The following CTH variants were observed in gnomAD, a reference collection of about 807,000 sequenced individuals.
The protein encoded by CTH is cystathionine gamma-lyase, also known as cystathionase (cystathionine gamma-lyase).
In CTH, 41 loss-of-function variants were observed where a neutral mutation model predicts 50.6. That is an observed-to-expected ratio of 0.81 (90% CI 0.63 to 1.05). The LOEUF (loss-of-function observed/expected upper bound fraction) is 1.05. CTH is among the 50% of genes least tolerant of loss of function. CTH has a pLI of 0.00. For synonymous variants in CTH, 156 were observed against 168.9 expected, an observed-to-expected ratio of 0.92 and a Z score of 0.59; for missense variants, 470 against 492.6, an observed-to-expected ratio of 0.95 and a Z score of 0.43.
chr1:70,421,779 T>A, intron 4 of CTH, 104 bp downstream of exon 4: 2 of 1,183,380 alleles, frequency 1.7e-6, no homozygotes, highest in Admixed American at 1.9e-5. Flanking sequence ...ACAAATTTTA[T>A]TTTATGCCAT....
At chr1:70,422,634 C>T (rs1476960495) in intron 4 of CTH, among the ~76,000 whole-genome samples, 2 of 122,906 alleles carry the variant, frequency 1.6e-5, no homozygotes, top group African/African-American at 6.3e-5. Flanking sequence ...TTTTTTGAGA[C>T]GGAGTCTCAC....
At position 70,425,528 on chromosome 1, in the gene CTH, A is replaced by G. The variant is rs527638936; in HGVS notation, c.588+1112A>G. ...TGTATTAGTCCATTCTCACACTGCT[A>G]TAAAGAAATAATCCGAGACTGCGTA... On this transcript the variant is annotated intron_variant, in intron 5 of 11. Transcript: ENST00000370938. 2.6e-5 allele frequency among the ~76,000 whole-genome samples: 4 copies of G among 152,326 alleles called. No individual in the cohort carries two copies. In the East Asian group the frequency reaches 7.7e-4, roughly 29 times the overall value.
At chr1:70,416,879 G>A (rs1253994849) in intron 2 of CTH, among the ~76,000 whole-genome samples, 1 of 151,374 alleles carries the variant, frequency 6.6e-6, no homozygotes, top group Non-Finnish European at 1.5e-5. Flanking sequence ...TGTATTTTTA[G>A]TAGAGATGGG....
In CTH at chr1:70,411,492, G is replaced by A. The variant is rs769431823; in HGVS notation, c.77G>A (p.Gly26Asp). ...QHFATQAIHV[G>D]QDPEQWTSRA... ...TTCGCCACGCAGGCGATCCATGTGGGCCAGGATCCAGAGCAATGGACCTCC... is the reference window on the plus strand; with the variant it reads ...TTCGCCACGCAGGCGATCCATGTGGACCAGGATCCAGAGCAATGGACCTCC... Residue 26 changes from glycine to aspartate, a missense_variant, in exon 1 of 12, where the codon GGC becomes GAC. By Grantham distance (94) the Gly-to-Asp change is moderately conservative. Transcript: ENST00000370938. 5.6e-6 allele frequency: 9 copies of A among 1,614,048 alleles called. No homozygotes were observed. The African/African-American group carries it at 1.1e-4, about 19-fold the overall frequency.
chr1:70,412,148 T>C (rs1411727178), intron 1 of CTH, among the ~76,000 whole-genome samples: 1 of 152,238 alleles, frequency 6.6e-6, no homozygotes, highest in East Asian at 1.9e-4. Flanking sequence ...GTTAAGTAAC[T>C]AGCCTTAGAC....
chr1:70,430,380 G>A lies in CTH; in HGVS notation c.710G>A (p.Arg237His), dbSNP rs147044875. Residue 237 changes from arginine to histidine, a missense_variant, in exon 7 of 12, where the codon CGT becomes CAT. Coordinates refer to ENST00000370938, the MANE Select transcript of CTH (RefSeq NM_001902.6). ...VNCESLHNRL[R>H]FLQNSLGAVP... ...TGTGAAAGCCTTCATAATAGACTTC[G>A]TTTCTTGCAAAACTGTAAGTATTAA... 35 of 1,570,706 alleles carry A rather than the reference G, an allele frequency of 2.2e-5. No homozygotes were observed. The highest frequency in any genetic ancestry group is 1.4e-5 in the Non-Finnish European group (16 of 1,140,844).
At chr1:70,430,093 C>A (rs771072054) in intron 6 of CTH, among the ~76,000 whole-genome samples, 2 of 152,080 alleles carry the variant, frequency 1.3e-5, no homozygotes, top group African/African-American at 4.8e-5. Context: ...CTTGCTGACA[C>A]CTTAAAGAAA....
At chr1:70,434,052 G>T in intron 9 of CTH, 103 bp downstream of exon 9, 3 of 1,557,664 alleles carry the variant, frequency 1.9e-6, no homozygotes, top group Non-Finnish European at 2.6e-6. Flanking sequence ...GTATCTGCAG[G>T]TTACACTCAT....
At chr1:70,426,482 G>A (rs1490968101) in intron 5 of CTH, among the ~76,000 whole-genome samples, 1 of 152,126 alleles carries the variant, frequency 6.6e-6, no homozygotes, top group Non-Finnish European at 1.5e-5. Flanking sequence ...GTTGATCCAG[G>A]TTGCTGCCTC....
chr1:70,413,739 CTTTTTTT>C (rs765540452), intron 1 of CTH, among the ~76,000 whole-genome samples: 2 of 118,210 alleles, frequency 1.7e-5, no homozygotes, highest in East Asian at 2.7e-4. Context: ...TGCTTAATAT[CTTTTTTT>C]TTTTTTTTTT....
chr1:70,416,101 C>G, intron 2 of CTH, 64 bp downstream of exon 2: 1 of 973,986 alleles, frequency 1.0e-6, no homozygotes, highest in Non-Finnish European at 1.7e-6. Context: ...ACCATAGAGG[C>G]ACAGAATGTG....
At position 70,435,121 on chromosome 1, in the gene CTH, A is replaced by G. The variant is rs1280100633; in HGVS notation, c.1000-4A>G. The G allele has an allele frequency of 6.2e-7, 1 of 1,610,652 alleles. No homozygotes were observed. The highest frequency in any genetic ancestry group is 8.5e-7 in the Non-Finnish European group (1 of 1,178,064). On this transcript the variant is annotated splice_polypyrimidine_tract_variant and splice_region_variant and intron_variant, in intron 9 of 11. Coordinates refer to ENST00000370938, the MANE Select transcript of CTH (RefSeq NM_001902.6). The stretch of plus-strand genomic sequence containing the variant: ...AATCTAAATTCATGTTTTCTTTGCT[A>G]TAGCTATTTACTCTGGCCGAGAGCT...
Position 70,420,942 on chromosome 1 carries a change from G to A in CTH, c.347-624G>A, listed in dbSNP as rs566567789. 2.6e-5 allele frequency among the ~76,000 whole-genome samples: 4 copies of A among 152,032 alleles called. 1 individual carries two copies. The highest frequency in any genetic ancestry group is 7.2e-5 in the African/African-American group (3 of 41,480). On this transcript the variant is annotated intron_variant, in intron 3 of 11. Coordinates refer to ENST00000370938, the MANE Select transcript of CTH (RefSeq NM_001902.6). ...AATGACAGAATATTCTTTTGTTGTT[G>A]TTGTTGTTATTGAGTATCAATATCA...
chr1:70,415,985 C>A lies in CTH; in HGVS notation c.198C>A (p.Pro66=). ...TTGAATATAGCCGTTCTGGAAATCCCACTAGGAATTGCCTTGAAAAAGCAG... is the reference window on the plus strand; with the variant it reads ...TTGAATATAGCCGTTCTGGAAATCCAACTAGGAATTGCCTTGAAAAAGCAG... ...SGFEYSRSGN[P]TRNCLEKAVA... The change falls in exon 2 of 12, where the codon CCC becomes CCA. Residue 66 remains proline (P), a synonymous_variant. Coordinates refer to ENST00000370938, the MANE Select transcript of CTH (RefSeq NM_001902.6). 1 of 1,610,932 alleles carries A rather than the reference C, an allele frequency of 6.2e-7. No individual in the cohort carries two copies. Among genetic ancestry groups the A allele is most frequent in the Non-Finnish European group, 8.5e-7 (1 of 1,177,136 alleles).
At chr1:70,431,279 A>G (rs914150938) in intron 7 of CTH, 6 of 152,206 alleles carry the variant, frequency 3.9e-5, no homozygotes, top group Non-Finnish European at 8.8e-5. Flanking sequence ...TATAATCATA[A>G]TTTGATAAAG....
rs761095023 is a variant in CTH at position 70,429,845 on chromosome 1, A to T, written c.640A>T (p.Met214Leu). 4 of 1,610,850 alleles carry T rather than the reference A, an allele frequency of 2.5e-6. No individual in the cohort carries two copies. The South Asian group carries it at 3.3e-5, about 13-fold the overall frequency. ...DISMYSATKY[M>L]NGHSDVVMGL... ...TTCTATGTATTCTGCAACAAAATAC[A>T]TGAATGGTAAGATGCATACTTTGAA... is the stretch of plus-strand genomic sequence containing the variant. Residue 214 changes from methionine (M) to leucine (L), a missense_variant, in exon 6 of 12, where the codon ATG (methionine) becomes TTG (leucine). Met to Leu is a conservative substitution (Grantham distance 15). Transcript: ENST00000370938.
chr1:70,433,219 A>G (rs1054100150), intron 8 of CTH, among the ~76,000 whole-genome samples: 1 of 152,220 alleles, frequency 6.6e-6, no homozygotes, highest in African/African-American at 2.4e-5. Flanking sequence ...GGAAATTCAC[A>G]AGGAATTTAG....
At chr1:70,438,060 G>A (rs969024094) in intron 10 of CTH, among the ~76,000 whole-genome samples, 2 of 152,122 alleles carry the variant, frequency 1.3e-5, no homozygotes, top group African/African-American at 4.8e-5. Flanking sequence ...AATTTTTACT[G>A]CAGTGCTTGA....
chr1:70,434,466 T>C (rs1323450951), intron 9 of CTH, among the ~76,000 whole-genome samples: 2 of 152,218 alleles, frequency 1.3e-5, no homozygotes, highest in Admixed American at 1.3e-4. Flanking sequence ...TACTACAGAA[T>C]AGATTAACAG....
Sources: gnomAD v4.1 joint callset for allele counts (sites outside exome capture counted in the v4.1 genomes callset) on GRCh38, gnomAD v4.1.1 for gene constraint, MANE v1.5 for transcripts, NCBI Gene and HGNC (gene_info 2026-07-23, HGNC 2026-07-21) for gene names.